Variants in SMC5 observed in about 807,000 individuals in gnomAD.
The protein encoded by SMC5 is structural maintenance of chromosomes protein 5.
A neutral mutation model predicts 148.3 loss-of-function variants in SMC5; 88 were observed. The observed-to-expected ratio is 0.59, with a 90% CI of 0.50 to 0.71. SMC5 has a LOEUF of 0.71. Among genes scored for constraint, SMC5 ranks in the 30% least tolerant of loss-of-function variants. The probability of loss-of-function intolerance (pLI) is 0.00; values close to 1 mark genes in which losing one functional copy is unlikely to be tolerated. For synonymous variants in SMC5, 421 were observed against 432.8 expected (o/e 0.97, Z 0.34); for missense variants, 1,142 against 1,298.9 (o/e 0.88, Z 1.86).
chr9:70,278,348 AAAGAATAATGCACAAAAGGTT>A, intron 4 of SMC5, 122 bp from the exon 5 acceptor site: 1 of 737,414 alleles, frequency 1.4e-6, no homozygotes. Flanking sequence ...TCATTATTCT[AAAGAATAATGCACAAAAGGTT>A]TATATCTCAA....
chr9:70,259,927 CT>C (rs199684583), intron 1 of SMC5, among the ~76,000 whole-genome samples: 32,037 of 133,494 alleles, frequency 0.24, 3,501 homozygotes, highest in South Asian at 0.31. Context: ...TGTTCCAGGT[CT>C]TTTTTTTTTT....
At chr9:70,343,829 A>G (rs1197217826) in intron 17 of SMC5, among the ~76,000 whole-genome samples, 1 of 152,108 alleles carries the variant, frequency 6.6e-6, no homozygotes. Context: ...AAAAAAATAA[A>G]TAAATAAGTA....
chr9:70,271,254 A>G (rs2034443790), intron 3 of SMC5, among the ~76,000 whole-genome samples: 1 of 152,192 alleles, frequency 6.6e-6, no homozygotes, highest in African/African-American at 2.4e-5. Flanking sequence ...ATCTTATTAT[A>G]TAACTTTAAA....
intron 17 of SMC5, among the ~76,000 whole-genome samples, chr9:70,341,942 ATATT>A (rs1477085236): frequency 6.6e-6 from 1 of 150,782 alleles, no homozygotes; most frequent in Admixed American, 6.6e-5. Context: ...ATGCACACGT[ATATT>A]TATTGCGGCA....
intron 6 of SMC5, among the ~76,000 whole-genome samples, chr9:70,281,633 G>A (rs1031192291): frequency 4.6e-5 from 7 of 152,286 alleles, no homozygotes; most frequent in South Asian, 2.1e-4. Context: ...TCCAAGGTTA[G>A]AATGGAAATA....
intron 2 of SMC5, among the ~76,000 whole-genome samples, chr9:70,265,213 A>C (rs2034257599): frequency 6.6e-6 from 1 of 152,178 alleles, no homozygotes; most frequent in African/African-American, 2.4e-5. Flanking sequence ...GCGGTAGCTC[A>C]TGCCTGTAAT....
chr9:70,298,067 T>C lies in SMC5; in HGVS notation c.1155T>C (p.Asn385=). ...GCAAAATGATAGAGGATTTGCAAAATGAACTAAAGACCACGGAAAACTGCG... is the reference window on the plus strand; with the variant it reads ...GCAAAATGATAGAGGATTTGCAAAACGAACTAAAGACCACGGAAAACTGCG... ...NTRKMIEDLQ[N]ELKTTENCEN... Residue 385 remains asparagine (N), a synonymous_variant, in exon 9 of 25, where the codon AAT becomes AAC. Transcript: ENST00000361138. The C allele has an allele frequency of 1.2e-6, 2 of 1,613,944 alleles. No individual in the cohort carries two copies. Among genetic ancestry groups the C allele is most frequent in the Non-Finnish European group, 1.7e-6 (2 of 1,179,912 alleles).
chr9:70,319,295 AATTT>A (rs1166793713), intron 15 of SMC5, among the ~76,000 whole-genome samples: 1 of 152,310 alleles, frequency 6.6e-6, no homozygotes, highest in African/African-American at 2.4e-5. Context: ...AATATTCATT[AATTT>A]ATTTTTTTTT....
At chr9:70,270,458 A>T (rs73647449) in intron 3 of SMC5, among the ~76,000 whole-genome samples, 121 of 152,040 alleles carry the variant, frequency 8.0e-4, no homozygotes, top group Non-Finnish European at 1.3e-3. Flanking sequence ...TTCCCAGAGG[A>T]TGGGGAGTAG....
chr9:70,340,714 AAC>A (rs1385156868), intron 17 of SMC5, among the ~76,000 whole-genome samples: 2 of 152,144 alleles, frequency 1.3e-5, no homozygotes, highest in East Asian at 3.8e-4. Flanking sequence ...TTACTAAAAT[AAC>A]AGTTTTAATA....
chr9:70,276,549 A>G (rs2034597282), intron 3 of SMC5, among the ~76,000 whole-genome samples: 1 of 152,210 alleles, frequency 6.6e-6, no homozygotes, highest in African/African-American at 2.4e-5. Context: ...ATAAAGTCTT[A>G]CTGTTCCAAG....
chr9:70,342,531 G>C (rs911961072), intron 17 of SMC5, among the ~76,000 whole-genome samples: 10 of 152,082 alleles, frequency 6.6e-5, no homozygotes, highest in African/African-American at 2.4e-4. Context: ...GAGTTTGAGG[G>C]TTAGTGAAAA....
chr9:70,309,159 G>C (rs145649106), intron 11 of SMC5, among the ~76,000 whole-genome samples: 18 of 152,222 alleles, frequency 1.2e-4, no homozygotes, highest in African/African-American at 4.1e-4. Flanking sequence ...GCTGCTGACT[G>C]ATCAAGGTGG....
In SMC5 at chr9:70,300,150, A is replaced by G; in HGVS notation, c.1414A>G (p.Asn472Asp). The change falls in exon 10 of 25, where the codon AAT becomes GAT. Residue 472 changes from asparagine (N) to aspartate (D), a missense_variant. This residue lies in a region of SMC5 where 743 missense variants were observed against 835.7 expected (regional missense o/e 0.89). Transcript: ENST00000361138. The part of the protein sequence containing the change: ...DTYDAVLWLR[N>D]NRDKFKQRVC... ...GTATGATGCTGTTTTATGGCTAAGA[A>G]ATAACAGAGACAAATTTAAACAAAG... 6.2e-7 allele frequency: 1 copy of G among 1,602,586 alleles called. No individual in the cohort carries two copies. The highest frequency in any genetic ancestry group is 8.5e-7 in the Non-Finnish European group (1 of 1,176,974).
intron 15 of SMC5, among the ~76,000 whole-genome samples, chr9:70,319,890 A>T (rs1198344008): frequency 1.3e-5 from 2 of 152,218 alleles, no homozygotes; most frequent in Non-Finnish European, 2.9e-5. Context: ...GCTGTTAAGA[A>T]TTGGGAAGCT....
At chr9:70,297,641 C>T (rs946029089) in intron 8 of SMC5, among the ~76,000 whole-genome samples, 12 of 152,010 alleles carry the variant, frequency 7.9e-5, no homozygotes, top group African/African-American at 2.7e-4. Flanking sequence ...TTTGGTCTTA[C>T]GGCATATAGT....
intron 22 of SMC5, among the ~76,000 whole-genome samples, chr9:70,349,228 G>A (rs538555234): frequency 3.9e-5 from 6 of 151,956 alleles, no homozygotes; most frequent in South Asian, 2.1e-4. Context: ...CACCATGCCC[G>A]GCTAATTTTT....
In SMC5 at chr9:70,300,204, A is replaced by T. The variant is rs113973889; in HGVS notation, c.1464+4A>T. The T allele has an allele frequency of 1.3e-6, 2 of 1,578,232 alleles. No homozygotes were observed. The highest frequency in any genetic ancestry group is 4.2e-5 in the Admixed American group (2 of 47,926). On this transcript the variant is annotated splice_donor_region_variant and intron_variant, in intron 10 of 24. Transcript: ENST00000361138. ...CTGTGAGCCCATAATGCTCACGGTA[A>T]GAAACTTTGTTCATCTTGGTAGTAT...
chr9:70,307,015 T>C (rs769014505), intron 11 of SMC5, among the ~76,000 whole-genome samples: 18 of 152,230 alleles, frequency 1.2e-4, no homozygotes, highest in South Asian at 2.1e-4. Flanking sequence ...CCTATAGTAT[T>C]ATTTCTTGTT....
Sources: gnomAD v4.1 joint callset for allele counts (sites outside exome capture counted in the v4.1 genomes callset) on GRCh38, gnomAD v4.1.1 for gene constraint, gnomAD v4.1.1 regional missense constraint, MANE v1.5 for transcripts, NCBI Gene and HGNC (gene_info 2026-07-23, HGNC 2026-07-21) for gene names.